XPO6: variants seen among roughly 807,000 people sequenced by gnomAD.
The protein encoded by XPO6 is exportin 6.
A neutral mutation model predicts 130.0 loss-of-function variants in XPO6; 3 were observed. The ratio of observed to expected loss-of-function variants is 0.02; its 90% CI spans 0.01 to 0.06. The LOEUF is 0.06. Among genes scored for constraint, XPO6 ranks in the 10% least tolerant of loss-of-function variants. The probability of loss-of-function intolerance (pLI) is 1.00; values close to 1 mark genes in which losing one functional copy is unlikely to be tolerated. For missense variants in XPO6, 970 were observed against 1,393.0 expected (o/e 0.70, Z 4.83); for synonymous variants, 524 against 548.9 (o/e 0.95, Z 0.63).
chr16:28,108,868 A>C (rs1036285462), intron 17 of XPO6, among the ~76,000 whole-genome samples: 1 of 152,220 alleles, frequency 6.6e-6, no homozygotes, highest in African/African-American at 2.4e-5. Flanking sequence ...GTGGATAGAG[A>C]GCATCGCCCC....
rs762034647 is a variant in XPO6, at chr16:28,101,434, AGCCCG to A, written c.3276+19_3276+23del. ...TGCGTGCCCACTCTGCCCTCCTCTT[AGCCCG>A]GCCTCTTTCTCTCCTCACCCGATCC... is the stretch of plus-strand genomic sequence containing the variant. On this transcript the variant is annotated intron_variant, in intron 23 of 23. Transcript: ENST00000304658. The surrounding 1 kb of genome is among the most constrained non-coding windows in gnomAD (Gnocchi z 5.4). 1 of 1,608,630 alleles carries A rather than the reference AGCCCG, an allele frequency of 6.2e-7. No individual in the cohort carries two copies. Among genetic ancestry groups the A allele is most frequent in the Non-Finnish European group, 8.5e-7 (1 of 1,175,120 alleles).
chr16:28,194,219 T>C (rs192680372), intron 1 of XPO6, among the ~76,000 whole-genome samples: 10 of 151,824 alleles, frequency 6.6e-5, no homozygotes, highest in Admixed American at 6.6e-4. Flanking sequence ...CACTGGTGAG[T>C]CAATGAGCTT....
At chr16:28,138,683 G>A (rs568553253) in intron 9 of XPO6, among the ~76,000 whole-genome samples, 7 of 152,108 alleles carry the variant, frequency 4.6e-5, no homozygotes, top group South Asian at 2.1e-4. Flanking sequence ...AGATGGGGGC[G>A]GTCAACGAGA....
At chr16:28,137,152 C>T (rs781623254) in intron 9 of XPO6, among the ~76,000 whole-genome samples, 18 of 152,218 alleles carry the variant, frequency 1.2e-4, no homozygotes, top group Non-Finnish European at 2.2e-4. Context: ...AACACCCTCT[C>T]CTCAAAGGAA....
chr16:28,108,513 T>A (rs1377683173), intron 17 of XPO6, among the ~76,000 whole-genome samples: 1 of 152,174 alleles, frequency 6.6e-6, no homozygotes, highest in East Asian at 1.9e-4. Context: ...ATGCTAGCAG[T>A]GTGCCAGCCA....
At chr16:28,125,957 A>G in intron 12 of XPO6, 109 bp from the exon 13 acceptor site, 1 of 1,434,240 alleles carries the variant, frequency 7.0e-7, no homozygotes, top group Non-Finnish European at 9.4e-7. Flanking sequence ...AGCAAAACCA[A>G]TTCGCGAAAC....
At chr16:28,107,378 C>A in intron 18 of XPO6, 144 bp downstream of exon 18, 1 of 978,202 alleles carries the variant, frequency 1.0e-6, no homozygotes, top group Non-Finnish European at 1.5e-6. Flanking sequence ...AACATCACTG[C>A]CCTTTCCCCT....
Position 28,098,452 on chromosome 16 carries a change from G to GGCCC in XPO6, c.*82_*85dup. ...GGGAGAAGCCAAGGAGTGTGACCAA[G>GGCCC]GCCCATCTGGGAGACATCTGTGGTG... On this transcript the variant is annotated 3_prime_UTR_variant, in exon 24 of 24. Coordinates refer to ENST00000304658, the MANE Select transcript of XPO6 (RefSeq NM_015171.4). The GGCCC allele has an allele frequency of 8.2e-7, 1 of 1,221,222 alleles. No individual in the cohort carries two copies. Among genetic ancestry groups the GGCCC allele is most frequent in the Non-Finnish European group, 1.2e-6 (1 of 855,486 alleles). The allele number at this position is 1,221,222 out of a possible 1,614,324, so 75.6% of individuals were successfully genotyped here. A position where few individuals can be genotyped will look rare whatever the true frequency, so the allele number is the denominator to read the frequency against.
rs745926066 is a variant in XPO6, at chr16:28,098,631, G to A, written c.3285C>T (p.Pro1095=). ...GCCTGTGCACATTCTGGGTGAATGAGGGCAGGTCCTGGAAGGCAGGGGCAT... is the reference window on the plus strand; with the variant it reads ...GCCTGTGCACATTCTGGGTGAATGAAGGCAGGTCCTGGAAGGCAGGGGCAT... ...GRNFKMDRDL[P]SFTQNVHRLV... The change falls in exon 24 of 24, where the codon CCC becomes CCT. Residue 1095 remains proline, a synonymous_variant. Transcript: ENST00000304658. 1.6e-5 allele frequency: 25 copies of A among 1,610,160 alleles called. No individual in the cohort carries two copies. The highest frequency in any genetic ancestry group is 2.0e-5 in the Non-Finnish European group (23 of 1,177,520).
Position 28,205,057 on chromosome 16 carries a change from A to C in XPO6, c.3+6309T>G, listed in dbSNP as rs80103076. Among the ~76,000 whole-genome samples, 508 of 152,098 alleles carry C rather than the reference A, an allele frequency of 3.3e-3. 1 individual carries two copies. The highest frequency in any genetic ancestry group is 5.3e-3 in the Admixed American group (80 of 15,230). On this transcript the variant is annotated intron_variant, in intron 1 of 23. Coordinates refer to ENST00000304658, the MANE Select transcript of XPO6 (RefSeq NM_015171.4). ...AGCCTGGGCGACAGAGCGAGATCCT[A>C]TGTCTAAAATTAATGAGCAAAGGGA...
chr16:28,170,360 C>T (rs956459097), intron 4 of XPO6, among the ~76,000 whole-genome samples: 3 of 149,034 alleles, frequency 2.0e-5, no homozygotes, highest in Non-Finnish European at 4.4e-5. Flanking sequence ...AGAAACATCA[C>T]TTAGAGGATA....
intron 1 of XPO6, among the ~76,000 whole-genome samples, chr16:28,189,427 A>G (rs1933171736): frequency 6.6e-6 from 1 of 152,136 alleles, no homozygotes; most frequent in Non-Finnish European, 1.5e-5. Context: ...ACACACAGCC[A>G]GTGAGCAGCC....
intron 3 of XPO6, among the ~76,000 whole-genome samples, chr16:28,176,316 T>C (rs28456978): frequency 0.58 from 87,475 of 152,074 alleles, 27,521 homozygotes; most frequent in South Asian, 0.72. Flanking sequence ...AAAAGCTGTA[T>C]GTGCAAAAAC....
At chr16:28,161,045 T>C (rs962402884) in intron 6 of XPO6, among the ~76,000 whole-genome samples, 3 of 152,184 alleles carry the variant, frequency 2.0e-5, no homozygotes, top group African/African-American at 7.2e-5. Context: ...GTGAAGAAAA[T>C]GCAACTCCAC....
At chr16:28,203,113 AAAG>A (rs1226529081) in intron 1 of XPO6, among the ~76,000 whole-genome samples, 1 of 152,120 alleles carries the variant, frequency 6.6e-6, no homozygotes, top group Non-Finnish European at 1.5e-5. Flanking sequence ...TCGTATCTAC[AAAG>A]AATACAAAAT....
chr16:28,185,235 C>G (rs1350709208), intron 1 of XPO6, among the ~76,000 whole-genome samples: 1 of 152,168 alleles, frequency 6.6e-6, no homozygotes, highest in African/African-American at 2.4e-5. Flanking sequence ...TGGCCCACAT[C>G]TATAATTCCA....
chr16:28,142,912 T>C (rs1346860134), intron 9 of XPO6, among the ~76,000 whole-genome samples: 4 of 152,216 alleles, frequency 2.6e-5, no homozygotes. Context: ...GGTCTCATTA[T>C]GTAGGCCGGG....
At chr16:28,193,788 C>T (rs373020675) in intron 1 of XPO6, among the ~76,000 whole-genome samples, 1 of 152,124 alleles carries the variant, frequency 6.6e-6, no homozygotes, top group African/African-American at 2.4e-5. Flanking sequence ...CACGCATCAC[C>T]CGTCCCACGA....
At chr16:28,142,112 CACCTACAT>C in intron 9 of XPO6, among the ~76,000 whole-genome samples, 1 of 152,368 alleles carries the variant, frequency 6.6e-6, no homozygotes, top group African/African-American at 2.4e-5. Flanking sequence ...GACTTAACCA[CACCTACAT>C]TTCCCATTTA....
Sources: allele counts gnomAD v4.1 joint callset (sites outside exome capture counted in the v4.1 genomes callset), GRCh38; gene constraint gnomAD v4.1.1; non-coding constraint Gnocchi (gnomAD v3.1); transcripts MANE v1.5; gene names NCBI Gene and HGNC (gene_info 2026-07-23, HGNC 2026-07-21).